Variants in OLA1 observed in about 807,000 individuals in gnomAD.
OLA1 encodes the protein Obg like ATPase 1, also known as obg-like ATPase 1.
Under a neutral mutation model 48.4 loss-of-function variants are expected in OLA1, and 14 were observed. That is an observed-to-expected ratio of 0.29 (90% CI 0.19 to 0.45). The LOEUF is 0.45. Among genes scored for constraint, OLA1 ranks in the 20% least tolerant of loss-of-function variants. The pLI is 1.00. For missense variants in OLA1, 325 were observed against 467.1 expected, an observed-to-expected ratio of 0.70 and a Z score of 2.80; for synonymous variants, 127 against 150.4, an observed-to-expected ratio of 0.84 and a Z score of 1.14.
chr2:174,233,891 G>A (rs1457181625), intron 2 of OLA1, among the ~76,000 whole-genome samples: 2 of 152,212 alleles, frequency 1.3e-5, no homozygotes, highest in Non-Finnish European at 2.9e-5. Context: ...AAGGACATTA[G>A]TGGGAAAACT....
At chr2:174,212,355 A>G (rs1011027880) in intron 4 of OLA1, among the ~76,000 whole-genome samples, 1 of 152,266 alleles carries the variant, frequency 6.6e-6, no homozygotes, top group African/African-American at 2.4e-5. Context: ...ATACATCTGT[A>G]TAGGGCACTT....
chr2:174,210,658 CTAT>C (rs974230460), intron 4 of OLA1, among the ~76,000 whole-genome samples: 3 of 152,062 alleles, frequency 2.0e-5, no homozygotes, highest in Non-Finnish European at 4.4e-5. Flanking sequence ...GTTAAATCTA[CTAT>C]AAGGGAATGC....
At chr2:174,120,585 G>C (rs762926272) in intron 7 of OLA1, among the ~76,000 whole-genome samples, 2 of 152,140 alleles carry the variant, frequency 1.3e-5, no homozygotes, top group Non-Finnish European at 2.9e-5. Context: ...ATAAATCAAT[G>C]AAATGACTAA....
chr2:174,192,362 G>A (rs562756895), intron 4 of OLA1, among the ~76,000 whole-genome samples: 8 of 152,162 alleles, frequency 5.3e-5, no homozygotes, highest in East Asian at 1.9e-4. Context: ...TCCTTTGAGC[G>A]TCATGTCAGC....
chr2:174,134,668 G>T (rs1686259830), intron 5 of OLA1, among the ~76,000 whole-genome samples: 1 of 152,128 alleles, frequency 6.6e-6, no homozygotes, highest in Non-Finnish European at 1.5e-5. Flanking sequence ...CAAAGTTCCA[G>T]TATGAAATGA....
intron 4 of OLA1, among the ~76,000 whole-genome samples, chr2:174,193,811 T>C (rs1379129224): frequency 6.6e-6 from 1 of 152,210 alleles, no homozygotes; most frequent in Non-Finnish European, 1.5e-5. Flanking sequence ...TAATTATTAT[T>C]AGAAACCTGT....
intron 4 of OLA1, among the ~76,000 whole-genome samples, 156 bp from the exon 5 acceptor site, chr2:174,142,156 G>GT (rs1173493733): frequency 1.3e-5 from 2 of 152,040 alleles, no homozygotes; most frequent in Admixed American, 1.3e-4. Flanking sequence ...CCCCCATTTA[G>GT]TAATACTGAG....
At chr2:174,217,276 CTG>C (rs1250766520) in intron 4 of OLA1, among the ~76,000 whole-genome samples, 2 of 152,134 alleles carry the variant, frequency 1.3e-5, no homozygotes, top group East Asian at 3.9e-4. Flanking sequence ...GTTGCCCAGG[CTG>C]CTCTCGCACT....
At chr2:174,086,056 G>A (rs1226253207) in intron 7 of OLA1, among the ~76,000 whole-genome samples, 1 of 149,282 alleles carries the variant, frequency 6.7e-6, no homozygotes, top group Non-Finnish European at 1.5e-5. Context: ...GGATTGAGAT[G>A]TATCTATGGG....
At chr2:174,148,069 T>A (rs1387229367) in intron 4 of OLA1, among the ~76,000 whole-genome samples, 1 of 152,178 alleles carries the variant, frequency 6.6e-6, no homozygotes, top group Non-Finnish European at 1.5e-5. Flanking sequence ...TCTGCCTGCC[T>A]GGCCTTTTTA....
chr2:174,075,270 A>T lies in OLA1; in HGVS notation c.*156T>A. On this transcript the variant is annotated 3_prime_UTR_variant, in exon 11 of 11. Transcript: ENST00000284719. The stretch of plus-strand genomic sequence containing the variant: ...GCATTTCATGGGGGGGGGGGGGTAC[A>T]CAGTATTTTAATTTTAAAACAAATA... 1.9e-6 allele frequency: 1 copy of T among 517,016 alleles called. No homozygotes were observed. 32.0% of individuals were successfully genotyped at this position (517,016 alleles called of 1,614,324 possible).
chr2:174,208,895 G>A lies in OLA1; in HGVS notation c.373+14138C>T, dbSNP rs17254003. ...TAAATGGACAATATACAAAAACTGC[G>A]TAAAGTTAGTAAAAACACTACCATC... is the stretch of plus-strand genomic sequence containing the variant. On this transcript the variant is annotated intron_variant, in intron 4 of 10. Transcript: ENST00000284719. 1.3e-3 allele frequency among the ~76,000 whole-genome samples: 192 copies of A among 152,254 alleles called. 2 individuals carry two copies. Among genetic ancestry groups the A allele is most frequent in the South Asian group, 0.012 (58 of 4,822 alleles).
At chr2:174,175,236 G>GA in intron 4 of OLA1, among the ~76,000 whole-genome samples, 1 of 144,954 alleles carries the variant, frequency 6.9e-6, no homozygotes, top group Non-Finnish European at 1.5e-5. Context: ...AAATATCAGA[G>GA]AAAATCAACT....
chr2:174,109,378 T>C (rs1685588730), intron 7 of OLA1, among the ~76,000 whole-genome samples: 1 of 152,166 alleles, frequency 6.6e-6, no homozygotes, highest in Admixed American at 6.5e-5. Context: ...ATACATATTT[T>C]ACTTAATAAT....
rs34692902 is a variant in OLA1 at position 174,175,296 on chromosome 2, T to TAA, written c.374-33298_374-33297dup. Among the ~76,000 whole-genome samples, 1,068 of 132,744 alleles carry TAA rather than the reference T, an allele frequency of 8.0e-3. 16 individuals are homozygous for TAA. The highest frequency in any genetic ancestry group is 0.027 in the African/African-American group (960 of 36,178). The allele number at this position is 132,744 out of a possible 152,430, so 87.1% of individuals were successfully genotyped here. A position where few individuals can be genotyped will look rare whatever the true frequency, so the allele number is the denominator to read the frequency against. On this transcript the variant is annotated intron_variant, in intron 4 of 10. Coordinates refer to ENST00000284719, the MANE Select transcript of OLA1 (RefSeq NM_013341.5). ...AATTTTGTTCTTTTAAAGACAGAAT[T>TAA]AAAAAAAAAAAAAAGCCAGCCACAG...
rs1310322095 is a variant in OLA1, at chr2:174,150,811, T to A, written c.374-8811A>T. ...TGGACAATCTGGTTAGGAAACAAAT[T>A]TAACCTATTAAAAAGGGAGAGCAAT... On this transcript the variant is annotated intron_variant, in intron 4 of 10. Transcript: ENST00000284719. 3.9e-5 allele frequency among the ~76,000 whole-genome samples: 6 copies of A among 152,140 alleles called. 1 individual carries two copies.
At chr2:174,080,206 A>G (rs994214899) in intron 9 of OLA1, among the ~76,000 whole-genome samples, 8 of 152,046 alleles carry the variant, frequency 5.3e-5, no homozygotes, top group Non-Finnish European at 7.4e-5. Context: ...GGCATTTAAC[A>G]TTATGTTAAC....
At chr2:174,189,186 A>G (rs530323910) in intron 4 of OLA1, among the ~76,000 whole-genome samples, 1 of 152,302 alleles carries the variant, frequency 6.6e-6, no homozygotes, top group South Asian at 2.1e-4. Flanking sequence ...CAGTGCATAT[A>G]AACTGTAAGT....
chr2:174,083,251 T>C (rs1684896157), intron 7 of OLA1, among the ~76,000 whole-genome samples: 1 of 152,150 alleles, frequency 6.6e-6, no homozygotes, highest in African/African-American at 2.4e-5. Flanking sequence ...AAATAATTAA[T>C]GTAAATGCCA....
Sources: allele counts gnomAD v4.1 joint callset (sites outside exome capture counted in the v4.1 genomes callset), GRCh38; gene constraint gnomAD v4.1.1; transcripts MANE v1.5; gene names NCBI Gene and HGNC (gene_info 2026-07-23, HGNC 2026-07-21).